The following VPS13B variants were observed in gnomAD, a reference collection of about 807,000 sequenced individuals.
VPS13B encodes vacuolar protein sorting 13 homolog B, also known as intermembrane lipid transfer protein VPS13B.
VPS13B carries 285 observed loss-of-function variants against 426.4 expected under a neutral mutation model. The ratio of observed to expected loss-of-function variants is 0.67; its 90% confidence interval spans 0.61 to 0.74. VPS13B has a LOEUF of 0.74. VPS13B is among the 30% of genes least tolerant of loss of function. VPS13B has a pLI of 0.00. For missense variants in VPS13B, 4,537 were observed against 4,782.6 expected, an observed-to-expected ratio of 0.95 and a Z score of 1.51; for synonymous variants, 1,676 against 1,676.4, an observed-to-expected ratio of 1.00 and a Z score of 0.01.
At chr8:99,526,365 C>T (rs929567719) in intron 30 of VPS13B, among the ~76,000 whole-genome samples, 1 of 151,988 alleles carries the variant, frequency 6.6e-6, no homozygotes, top group African/African-American at 2.4e-5. Flanking sequence ...AGAGAAGTGA[C>T]GTGATTCTTT....
In VPS13B at chr8:99,250,070, T is replaced by G. The variant is rs1237536286; in HGVS notation, c.2516-24128T>G. On this transcript the variant is annotated intron_variant, in intron 17 of 61. Transcript: ENST00000357162. ...TTTATTTTAGCTGTTGAGATAGATG[T>G]GTAGTGATATCTCATTGTGATTATA... Among the ~76,000 whole-genome samples the G allele has an allele frequency of 3.9e-5, 6 of 152,212 alleles. No homozygotes were observed. In the East Asian group the frequency reaches 1.2e-3, roughly 29 times the overall value.
At chr8:99,846,582 AT>A (rs1162859725) in intron 54 of VPS13B, among the ~76,000 whole-genome samples, 1 of 152,212 alleles carries the variant, frequency 6.6e-6, no homozygotes, top group Admixed American at 6.5e-5. Flanking sequence ...GTTTCTCTAA[AT>A]GTGAAAAGAC....
intron 29 of VPS13B, among the ~76,000 whole-genome samples, chr8:99,512,220 A>C (rs1244248715): frequency 6.6e-6 from 1 of 152,216 alleles, no homozygotes; most frequent in African/African-American, 2.4e-5. Flanking sequence ...TATTCTCTGA[A>C]TATCCTATAT....
chr8:99,661,745 A>G (rs1830234548), intron 35 of VPS13B, among the ~76,000 whole-genome samples: 1 of 152,170 alleles, frequency 6.6e-6, no homozygotes, highest in Admixed American at 6.6e-5. Context: ...CAAAGCCCCA[A>G]TATTTTATTT....
intron 3 of VPS13B, among the ~76,000 whole-genome samples, chr8:99,067,263 A>G (rs1442949724): frequency 2.0e-5 from 3 of 152,208 alleles, no homozygotes; most frequent in Non-Finnish European, 2.9e-5. Context: ...TCAATGATAG[A>G]CTGGATTAAG....
intron 30 of VPS13B, chr8:99,527,715 A>G (rs562462179): frequency 6.6e-6 from 1 of 152,304 alleles, no homozygotes; most frequent in South Asian, 2.1e-4. Flanking sequence ...ATTTTTAAAA[A>G]TTACCTGTGG....
chr8:99,489,946 T>G (rs1820512666), intron 25 of VPS13B, among the ~76,000 whole-genome samples: 1 of 152,158 alleles, frequency 6.6e-6, no homozygotes, highest in African/African-American at 2.4e-5. Flanking sequence ...CTATATTGAT[T>G]AGGAGTGGTG....
intron 19 of VPS13B, among the ~76,000 whole-genome samples, chr8:99,366,206 C>A (rs1331827733): frequency 1.3e-5 from 2 of 151,950 alleles, no homozygotes; most frequent in Middle Eastern, 3.2e-3. Context: ...GAAGTCTCTA[C>A]CTTTTATTGT....
intron 33 of VPS13B, chr8:99,613,883 T>A (rs1827949656): frequency 6.6e-6 from 1 of 152,174 alleles, no homozygotes; most frequent in South Asian, 2.1e-4. Context: ...CCTGCTCCAT[T>A]TCCAACCTGG....
intron 21 of VPS13B, among the ~76,000 whole-genome samples, chr8:99,405,185 T>C (rs1184509794): frequency 6.6e-6 from 1 of 151,462 alleles, no homozygotes; most frequent in Non-Finnish European, 1.5e-5. Context: ...TATTTTTTTT[T>C]CTCTTTTTTA....
chr8:99,712,486 T>G (rs1001336653), intron 36 of VPS13B, among the ~76,000 whole-genome samples: 2 of 152,186 alleles, frequency 1.3e-5, no homozygotes, highest in Non-Finnish European at 2.9e-5. Context: ...GGCAAACCAG[T>G]CATTGGATTC....
chr8:99,522,116 C>T (rs1320374211), intron 30 of VPS13B, among the ~76,000 whole-genome samples: 7 of 152,106 alleles, frequency 4.6e-5, no homozygotes, highest in Admixed American at 4.6e-4. Context: ...GTAGTTGTCC[C>T]TGGTGAAAGA....
chr8:99,023,060 CT>C (rs1841975128), intron 2 of VPS13B, among the ~76,000 whole-genome samples: 1 of 151,596 alleles, frequency 6.6e-6, no homozygotes, highest in African/African-American at 2.4e-5. Flanking sequence ...TTGATCATTG[CT>C]CACTGCAGCT....
At chr8:99,478,447 G>GTTTTGTTTTTTTTTTTTGTTTTT (rs1819822769) in intron 24 of VPS13B, among the ~76,000 whole-genome samples, 1 of 85,778 alleles carries the variant, frequency 1.2e-5, no homozygotes, top group South Asian at 3.7e-4. Flanking sequence ...TTTTTGTTTT[G>GTTTTGTTTTTTTTTTTTGTTTTT]TTTTTTTTTT....
chr8:99,828,054 G>T lies in VPS13B; in HGVS notation c.9330+4076G>T, dbSNP rs181724995. Reference sequence around the variant, plus strand: ...TTCTGAGAAGAATGTATATTCTGTTGATTTGGGGTGGAGAGTTCTGTAGAT... The same window carrying T: ...TTCTGAGAAGAATGTATATTCTGTTTATTTGGGGTGGAGAGTTCTGTAGAT... On this transcript the variant is annotated intron_variant, in intron 51 of 61. Coordinates refer to ENST00000357162, the MANE Select transcript of VPS13B (RefSeq NM_152564.5). Among the ~76,000 whole-genome samples the T allele has an allele frequency of 3.3e-4, 50 of 152,262 alleles. No individual in the cohort carries two copies. The East Asian group carries it at 9.6e-3, about 29-fold the overall frequency.
rs779726673 is a variant in VPS13B at position 99,467,433 on chromosome 8, G to A, written c.3465G>A (p.Thr1155=). 7.4e-6 allele frequency: 12 copies of A among 1,613,336 alleles called. No homozygotes were observed. The South Asian group carries it at 7.7e-5, about 10-fold the overall frequency. Residue 1155 remains threonine, a synonymous_variant, in exon 24 of 62, where the codon ACG becomes ACA. Coordinates refer to ENST00000357162, the MANE Select transcript of VPS13B (RefSeq NM_152564.5). Reference sequence around the variant, plus strand: ...TATCAGGTGATGCTTTTCCTTGGACGATCAGCTTGCATAATTTCAGCATAT... The same window carrying A: ...TATCAGGTGATGCTTTTCCTTGGACAATCAGCTTGCATAATTTCAGCATAT... ...ILEEGDAFPW[T]ISLHNFSIYT...
At chr8:99,456,374 G>A (rs1366337306) in intron 23 of VPS13B, among the ~76,000 whole-genome samples, 1 of 151,974 alleles carries the variant, frequency 6.6e-6, no homozygotes, top group Non-Finnish European at 1.5e-5. Context: ...TCACCATCTT[G>A]GCCAGGTTTG....
chr8:99,818,715 T>C lies in VPS13B; in HGVS notation c.8448T>C (p.Ile2816=), dbSNP rs763701016. The stretch of plus-strand genomic sequence containing the variant: ...GTTCTATCCTTTTATTTTTATAGAT[T>C]GTGTTCAGCCCTCTTTTTATCATGA... ...EPNSQVQQRM[I]VFSPLFIMRS... Residue 2816 remains isoleucine (I), a splice_region_variant and synonymous_variant, in exon 47 of 62, where the codon ATT becomes ATC. Transcript: ENST00000357162. 1.4e-5 allele frequency: 22 copies of C among 1,613,696 alleles called. No homozygotes were observed. In the Admixed American group the frequency reaches 3.5e-4, roughly 26 times the overall value.
chr8:99,740,277 A>T (rs1429363092), intron 39 of VPS13B, among the ~76,000 whole-genome samples: 2 of 152,236 alleles, frequency 1.3e-5, no homozygotes, highest in Non-Finnish European at 2.9e-5. Flanking sequence ...TAGAGAAAAA[A>T]GAATAAAAAG....
Sources: gnomAD v4.1 joint callset for allele counts (sites outside exome capture counted in the v4.1 genomes callset) on GRCh38, gnomAD v4.1.1 for gene constraint, MANE v1.5 for transcripts, NCBI Gene and HGNC (gene_info 2026-07-23, HGNC 2026-07-21) for gene names.